Variants in CDAN1 observed in about 807,000 individuals in gnomAD.
CDAN1 encodes the protein codanin 1.
Under a neutral mutation model 139.8 loss-of-function variants are expected in CDAN1, and 107 were observed. The observed-to-expected ratio is 0.77, with a 90% CI of 0.65 to 0.90. The LOEUF is 0.90. CDAN1 is among the 40% of genes least tolerant of loss of function. The probability of loss-of-function intolerance (pLI) is 0.00; values close to 1 mark genes in which losing one functional copy is unlikely to be tolerated. For missense variants in CDAN1, 1,667 were observed against 1,575.7 expected (o/e 1.06, Z -0.98); for synonymous variants, 776 against 660.6 (o/e 1.17, Z -2.68).
intron 1 of CDAN1, 77 bp downstream of exon 1, chr15:42,736,936 G>T: frequency 6.7e-7 from 1 of 1,488,186 alleles, no homozygotes; most frequent in East Asian, 2.8e-5. Flanking sequence ...GCGCCCTAGA[G>T]GAAGGGGACT....
intron 13 of CDAN1, 33 bp downstream of exon 13, chr15:42,730,892 C>G: frequency 6.2e-7 from 1 of 1,614,096 alleles, no homozygotes; most frequent in Non-Finnish European, 8.5e-7. Flanking sequence ...GTCCTCCCTG[C>G]TCCCTCCTCA....
chr15:42,733,852 C>T, intron 8 of CDAN1, 86 bp downstream of exon 8: 1 of 1,029,280 alleles, frequency 9.7e-7, no homozygotes, highest in Admixed American at 1.9e-5. Context: ...TGGTGCCAAA[C>T]TCCTAATTTC....
At chr15:42,724,915 C>A (rs575039399) in intron 27 of CDAN1, 10 of 622,148 alleles carry the variant, frequency 1.6e-5, no homozygotes, top group Non-Finnish European at 2.8e-5. Flanking sequence ...TTTTAAAAAC[C>A]CATATAATGG....
intron 14 of CDAN1, 109 bp from the exon 15 acceptor site, chr15:42,730,324 G>T: frequency 9.2e-7 from 1 of 1,084,534 alleles, no homozygotes; most frequent in Non-Finnish European, 1.4e-6. Flanking sequence ...AAGGGACTGG[G>T]GCCATGTTGG....
rs148832555 is a variant in CDAN1 at position 42,726,415 on chromosome 15, G to C, written c.3099C>G (p.Asp1033Glu). The C allele has an allele frequency of 6.3e-7, 1 of 1,588,304 alleles. No homozygotes were observed. Among genetic ancestry groups the C allele is most frequent in the African/African-American group, 1.3e-5 (1 of 74,570 alleles). ...LPSHLISEIK[D>E]VLSLAVGPRD... is the part of the protein sequence containing the mutation. ...GTGGCCCCACGGCCAAGGAGAGCACGTCCTGTGAAGAGCAGGGGGAGATAT... is the reference window on the plus strand; with the variant it reads ...GTGGCCCCACGGCCAAGGAGAGCACCTCCTGTGAAGAGCAGGGGGAGATAT... Residue 1033 changes from aspartate to glutamate, a missense_variant and splice_region_variant, in exon 24 of 28, where the codon GAC becomes GAG. Transcript: ENST00000356231.
chr15:42,732,313 T>C lies in CDAN1; in HGVS notation c.1533+20A>G. 6 of 1,611,356 alleles carry C rather than the reference T, an allele frequency of 3.7e-6. No individual in the cohort carries two copies. The highest frequency in any genetic ancestry group is 5.1e-6 in the Non-Finnish European group (6 of 1,177,530). ...ATGCCTGCTGTTTAATGTGGATTAA[T>C]CTCTTGCTGGGGCTGTTACCTGGAG... On this transcript the variant is annotated intron_variant, in intron 10 of 27. Transcript: ENST00000356231.
At position 42,732,388 on chromosome 15, in the gene CDAN1, G is replaced by T. The variant is rs1360062241; in HGVS notation, c.1478C>A (p.Ser493Tyr). The T allele has an allele frequency of 1.2e-6, 2 of 1,614,136 alleles. No individual in the cohort carries two copies. The highest frequency in any genetic ancestry group is 2.2e-5 in the South Asian group (2 of 91,070). The change falls in exon 10 of 28, where the codon TCC becomes TAC. Residue 493 changes from serine (S) to tyrosine (Y), a missense_variant. Physicochemically the swap from Ser to Tyr is moderately radical, Grantham distance 144 (BLOSUM62 -2). Coordinates refer to ENST00000356231, the MANE Select transcript of CDAN1 (RefSeq NM_138477.4). ...SRIRAMMGQL[S>Y]AACSHSHFVR... ...AAAGTGGCTGTGGCTGCAGGCTGCG[G>T]AGAGCTGACCCATCATGGCCCTGAG...
Position 42,725,151 on chromosome 15 carries a change from C to T in CDAN1, c.3551G>A (p.Trp1184Ter). The T allele has an allele frequency of 6.2e-7, 1 of 1,613,356 alleles. No homozygotes were observed. ...AGACAGGAGACTCCTTACCCCTGGC[C>T]ACTGGGCCTGGTGGAGGCTGCCCAG... ...ACLGSLHQAQ[W>*]PGDFAEELAT... The change falls in exon 27 of 28, where the codon TGG (tryptophan) becomes TAG (stop). Residue 1184 changes from tryptophan to a stop codon, truncating the protein, a stop_gained. Transcript: ENST00000356231. LOFTEE classifies it high-confidence loss of function.
rs778750601 is a variant in CDAN1, at chr15:42,731,791, A to G, written c.1568T>C (p.Val523Ala). Residue 523 changes from valine to alanine, a missense_variant, in exon 11 of 28, where the codon GTC (valine) becomes GCC (alanine). Around this residue, in one of 3 missense-constraint regions of CDAN1, gnomAD observed 244 missense variants for 309.4 expected, o/e 0.79. Transcript: ENST00000356231. Reference sequence around the variant, plus strand: ...CAACACATCTGGGGCCTCGCCCAAGACGGTGCCCCCAGCACCACCAGGGCT... The same window carrying G: ...CAACACATCTGGGGCCTCGCCCAAGGCGGTGCCCCCAGCACCACCAGGGCT... ...CQSPGGAGGT[V>A]LGEAPDVLSM... 1.2e-6 allele frequency: 2 copies of G among 1,614,130 alleles called. No homozygotes were observed. The highest frequency in any genetic ancestry group is 8.5e-7 in the Non-Finnish European group (1 of 1,180,004).
intron 23 of CDAN1, 44 bp from the exon 24 acceptor site, chr15:42,726,461 G>T: frequency 6.8e-7 from 1 of 1,465,240 alleles, no homozygotes; most frequent in Non-Finnish European, 9.4e-7. Flanking sequence ...TGGGGGCCAG[G>T]ATGCCACAGA....
In CDAN1 at chr15:42,727,762, G is replaced by C; in HGVS notation, c.2955C>G (p.Ile985Met). 3.1e-6 allele frequency: 5 copies of C among 1,599,992 alleles called. No homozygotes were observed. The highest frequency in any genetic ancestry group is 4.3e-6 in the Non-Finnish European group (5 of 1,171,650). ...TCACTGCTGCTTTCACCTCCCTCCT[G>C]ATCAGTGCTGTGGGGCAGAGGGAGA... ...AWLSANITAL[I>M]RREVKAAVSR... Residue 985 changes from isoleucine to methionine, a missense_variant, in exon 23 of 28, where the codon ATC (isoleucine) becomes ATG (methionine). By Grantham distance (10) the Ile-to-Met change is conservative. Around this residue, in one of 3 missense-constraint regions of CDAN1, gnomAD observed 936 missense variants for 844.1 expected, o/e 1.11. Coordinates refer to ENST00000356231, the MANE Select transcript of CDAN1 (RefSeq NM_138477.4).
At position 42,733,140 on chromosome 15, in the gene CDAN1, C is replaced by T. The variant is rs1324359661; in HGVS notation, c.1414G>A (p.Glu472Lys). The change falls in exon 9 of 28, where the codon GAG becomes AAG. Residue 472 changes from glutamate (E) to lysine (K), a missense_variant. By Grantham distance (56) the Glu-to-Lys change is moderately conservative (BLOSUM62 1). Around this residue, in one of 3 missense-constraint regions of CDAN1, gnomAD observed 244 missense variants for 309.4 expected, o/e 0.79. Coordinates refer to ENST00000356231, the MANE Select transcript of CDAN1 (RefSeq NM_138477.4). ...CCCTTCTCAAAATCCCAGCCAGGCTCCTCATGGTGATCTTCCCACTCTCGC... is the reference window on the plus strand; with the variant it reads ...CCCTTCTCAAAATCCCAGCCAGGCTTCTCATGGTGATCTTCCCACTCTCGC... ...VLREWEDHHE[E>K]PGWDFEKGLG... 9 of 1,614,012 alleles carry T rather than the reference C, an allele frequency of 5.6e-6. No homozygotes were observed. The highest frequency in any genetic ancestry group is 2.2e-5 in the East Asian group (1 of 44,898).
rs74652041 is a variant in CDAN1, at chr15:42,729,710, C to T, written c.2352+86G>A. 2.8e-3 allele frequency: 4,410 copies of T among 1,592,162 alleles called. 165 individuals carry two copies. The East Asian group carries it at 0.08, about 29-fold the overall frequency. Reference sequence around the variant, plus strand: ...GTTGGCAGGGCCTTTACAAGGGTTACATCTGCCCCTGGCTGGGCCTCCCCA... The same window carrying T: ...GTTGGCAGGGCCTTTACAAGGGTTATATCTGCCCCTGGCTGGGCCTCCCCA... On this transcript the variant is annotated intron_variant, in intron 16 of 27. Transcript: ENST00000356231.
chr15:42,733,326 T>G lies in CDAN1; in HGVS notation c.1368-140A>C, dbSNP rs28549876. 0.3 allele frequency: 219,151 copies of G among 736,014 alleles called. 44,379 individuals carry two copies. Among genetic ancestry groups the G allele is most frequent in the African/African-American group, 0.84 (48,317 of 57,504 alleles). 45.6% of individuals were successfully genotyped at this position (736,014 alleles called of 1,614,324 possible). ...TCTTGCTCTTGTCACTCAGGCTGGA[T>G]TGCAATGACGCGATCTCAGCTCACT... On this transcript the variant is annotated intron_variant, in intron 8 of 27. Transcript: ENST00000356231.
rs746216798 is a variant in CDAN1, at chr15:42,729,078, G to C, written c.2590C>G (p.Arg864Gly). The change falls in exon 19 of 28, where the codon CGG (arginine) becomes GGG (glycine). Residue 864 changes from arginine (R) to glycine (G), a missense_variant. Coordinates refer to ENST00000356231, the MANE Select transcript of CDAN1 (RefSeq NM_138477.4). ...FFHNQPPSLR[R>G]TVEFVAERIG... ...CTTTCTGCCACGAACTCTACGGTCCGGCGCAAGGAGGGCGGCTGGTTGTGG... is the reference window on the plus strand; with the variant it reads ...CTTTCTGCCACGAACTCTACGGTCCCGCGCAAGGAGGGCGGCTGGTTGTGG... The C allele has an allele frequency of 6.2e-7, 1 of 1,614,218 alleles. No individual in the cohort carries two copies. Among genetic ancestry groups the C allele is most frequent in the East Asian group, 2.2e-5 (1 of 44,878 alleles).
Position 42,736,754 on chromosome 15 carries a change from C to T in CDAN1, c.117G>A (p.Leu39=). The change falls in exon 2 of 28, where the codon CTG becomes CTA. Residue 39 remains leucine, a synonymous_variant. Coordinates refer to ENST00000356231, the MANE Select transcript of CDAN1 (RefSeq NM_138477.4). ...CTTTCCGCAGGGCCCGGAGTGAGCTCAGCGCGGCCGCCTCCCCAGCGTTAT... is the reference window on the plus strand; with the variant it reads ...CTTTCCGCAGGGCCCGGAGTGAGCTTAGCGCGGCCGCCTCCCCAGCGTTAT... ...SEDNAGEAAA[L]SSLRALRKEF... 2 of 1,553,360 alleles carry T rather than the reference C, an allele frequency of 1.3e-6. No homozygotes were observed. Among genetic ancestry groups the T allele is most frequent in the Non-Finnish European group, 1.7e-6 (2 of 1,155,098 alleles).
intron 9 of CDAN1, among the ~76,000 whole-genome samples, chr15:42,732,884 A>G (rs1044979620): frequency 2.6e-5 from 4 of 152,248 alleles, no homozygotes; most frequent in African/African-American, 4.8e-5. Context: ...CAGAACAAGG[A>G]TAAGACACCT....
chr15:42,734,801 T>A (rs1185039213), intron 6 of CDAN1, among the ~76,000 whole-genome samples: 3 of 109,506 alleles, frequency 2.7e-5, no homozygotes, highest in Admixed American at 2.6e-4. Flanking sequence ...TTTTTTTTGG[T>A]GGAGATGGGA....
In CDAN1 at chr15:42,737,110, G is replaced by C. The variant is rs764807565; in HGVS notation, c.-8C>G. ...CTCCAAAACGGCCGCCATCCCGGTC[G>C]GGGCGCTCTGGGGCGACTGCGCAGG... is the stretch of plus-strand genomic sequence containing the variant. On this transcript the variant is annotated 5_prime_UTR_variant, in exon 1 of 28. Coordinates refer to ENST00000356231, the MANE Select transcript of CDAN1 (RefSeq NM_138477.4). The C allele has an allele frequency of 7.5e-6, 11 of 1,467,642 alleles. No individual in the cohort carries two copies. Among genetic ancestry groups the C allele is most frequent in the African/African-American group, 2.9e-5 (2 of 68,016 alleles). 90.9% of individuals were successfully genotyped at this position (1,467,642 alleles called of 1,614,324 possible).
Sources: allele counts gnomAD v4.1 joint callset (sites outside exome capture counted in the v4.1 genomes callset), GRCh38; gene constraint gnomAD v4.1.1; regional missense constraint gnomAD v4.1.1; transcripts MANE v1.5; gene names NCBI Gene and HGNC (gene_info 2026-07-23, HGNC 2026-07-21).